The following NOL10 variants were observed in gnomAD, a reference collection of about 807,000 sequenced individuals.
The protein encoded by NOL10 is nucleolar protein 10.
Under a neutral mutation model 103.5 loss-of-function variants are expected in NOL10, and 58 were observed. The observed-to-expected ratio is 0.56, with a 90% CI of 0.45 to 0.70. The LOEUF is 0.70. Among genes scored for constraint, NOL10 ranks in the 30% least tolerant of loss-of-function variants. NOL10 has a pLI of 0.00. For synonymous variants in NOL10, 287 were observed against 282.5 expected, an observed-to-expected ratio of 1.02 and a Z score of -0.16; for missense variants, 763 against 807.3, an observed-to-expected ratio of 0.95 and a Z score of 0.67.
At chr2:10,650,960 G>T (rs1374144444) in intron 12 of NOL10, among the ~76,000 whole-genome samples, 1 of 152,130 alleles carries the variant, frequency 6.6e-6, no homozygotes, top group African/African-American at 2.4e-5. Context: ...GGCATTTCAA[G>T]AATGGGTTCC....
intron 13 of NOL10, among the ~76,000 whole-genome samples, chr2:10,644,047 C>A (rs189001543): frequency 7.9e-5 from 12 of 152,228 alleles, no homozygotes; most frequent in Admixed American, 7.2e-4. Flanking sequence ...GTCATGAGTT[C>A]AAGACCACCC....
At chr2:10,581,016 C>T (rs1674721303) in intron 19 of NOL10, among the ~76,000 whole-genome samples, 1 of 152,150 alleles carries the variant, frequency 6.6e-6, no homozygotes, top group African/African-American at 2.4e-5. Context: ...TAAATAACTA[C>T]CTTTGACAAA....
At chr2:10,679,298 G>A (rs1382218637) in intron 3 of NOL10, among the ~76,000 whole-genome samples, 1 of 151,354 alleles carries the variant, frequency 6.6e-6, no homozygotes, top group Non-Finnish European at 1.5e-5. Flanking sequence ...GGCAGAGGTT[G>A]CGGTAAGCCA....
intron 19 of NOL10, among the ~76,000 whole-genome samples, chr2:10,579,368 T>C (rs558120254): frequency 6.6e-6 from 1 of 152,306 alleles, no homozygotes; most frequent in East Asian, 1.9e-4. Flanking sequence ...GGAGGTAAGA[T>C]GTGAAATGAC....
At chr2:10,602,157 C>T (rs1676008461) in intron 16 of NOL10, among the ~76,000 whole-genome samples, 1 of 152,238 alleles carries the variant, frequency 6.6e-6, no homozygotes, top group East Asian at 1.9e-4. Context: ...CTCAAGGGCC[C>T]TGGAACCGGC....
intron 19 of NOL10, among the ~76,000 whole-genome samples, chr2:10,583,127 T>C (rs1674846094): frequency 6.6e-6 from 1 of 152,202 alleles, no homozygotes; most frequent in African/African-American, 2.4e-5. Context: ...CTTTCCAGTT[T>C]TCCTCTCAGC....
chr2:10,660,861 C>T (rs1208605952), intron 9 of NOL10, among the ~76,000 whole-genome samples: 1 of 151,606 alleles, frequency 6.6e-6, no homozygotes, highest in African/African-American at 2.4e-5. Flanking sequence ...ACACTTATTG[C>T]CTTCTCGTAT....
rs533351651 is a variant in NOL10, at chr2:10,616,217, ATTTTTTTTT to A, written c.1027-8915_1027-8907del. On this transcript the variant is annotated intron_variant, in intron 13 of 20. Coordinates refer to ENST00000381685, the MANE Select transcript of NOL10 (RefSeq NM_024894.4). Reference sequence around the variant, plus strand: ...CTACCAGTGGACAACACCACCCTGCATTTTTTTTTTTTTTTTTTTTTTTTTTTTTGAGGC... The same window carrying A: ...CTACCAGTGGACAACACCACCCTGCATTTTTTTTTTTTTTTTTTTTGAGGC... Among the ~76,000 whole-genome samples, 332 of 95,622 alleles carry A rather than the reference ATTTTTTTTT, an allele frequency of 3.5e-3. 2 individuals carry two copies. The highest frequency in any genetic ancestry group is 0.013 in the African/African-American group (264 of 21,092). The allele number at this position is 95,622 out of a possible 152,430, so 62.7% of individuals were successfully genotyped here.
intron 18 of NOL10, 39 bp from the exon 19 acceptor site, chr2:10,589,329 A>G (rs760165923): frequency 5.0e-6 from 8 of 1,606,432 alleles, no homozygotes; most frequent in African/African-American, 2.7e-5. Flanking sequence ...CCTTTCCCCC[A>G]GTCAAACACA....
chr2:10,580,513 C>A (rs968525436), intron 19 of NOL10, among the ~76,000 whole-genome samples: 6 of 152,152 alleles, frequency 3.9e-5, no homozygotes, highest in African/African-American at 1.4e-4. Flanking sequence ...AATCCCCAAA[C>A]TTGTGATTGC....
intron 9 of NOL10, 90 bp from the exon 10 acceptor site, chr2:10,659,340 ATGGG>A: frequency 7.2e-6 from 1 of 138,562 alleles, no homozygotes; most frequent in Non-Finnish European, 1.7e-5. Context: ...TTCAAATCTA[ATGGG>A]GGGGGGGGGG....
intron 18 of NOL10, 90 bp downstream of exon 18, chr2:10,589,488 T>G: frequency 8.2e-7 from 1 of 1,220,310 alleles, no homozygotes; most frequent in Non-Finnish European, 1.1e-6. Context: ...TAATTACATC[T>G]CAAGTATAAT....
At chr2:10,634,949 G>A (rs1043044613) in intron 13 of NOL10, among the ~76,000 whole-genome samples, 3 of 152,178 alleles carry the variant, frequency 2.0e-5, no homozygotes, top group African/African-American at 7.2e-5. Flanking sequence ...GACTGTACAC[G>A]TCTGTCCAGG....
chr2:10,626,779 A>T (rs35688901), intron 13 of NOL10, among the ~76,000 whole-genome samples: 32,650 of 152,172 alleles, frequency 0.21, 4,578 homozygotes, highest in East Asian at 0.44. Flanking sequence ...TATTTTCAAG[A>T]AAATGGACAT....
intron 11 of NOL10, 49 bp from the exon 12 acceptor site, chr2:10,654,596 C>T (rs1679701164): frequency 8.0e-7 from 1 of 1,246,744 alleles, no homozygotes; most frequent in Non-Finnish European, 1.1e-6. Flanking sequence ...AGAACAACAA[C>T]TTTGGCAATG....
chr2:10,683,499 T>C (rs1176959377), intron 2 of NOL10, among the ~76,000 whole-genome samples: 2 of 152,184 alleles, frequency 1.3e-5, no homozygotes, highest in East Asian at 3.9e-4. Flanking sequence ...GCAAAGCAAT[T>C]AGGGACCTGT....
intron 14 of NOL10, among the ~76,000 whole-genome samples, chr2:10,606,168 A>G (rs999632447): frequency 1.3e-5 from 2 of 150,842 alleles, no homozygotes; most frequent in Non-Finnish European, 3.0e-5. Flanking sequence ...GGACTCTTGG[A>G]TTTAAAGCTC....
At chr2:10,658,610 A>C (rs1679996006) in intron 10 of NOL10, among the ~76,000 whole-genome samples, 1 of 152,194 alleles carries the variant, frequency 6.6e-6, no homozygotes, top group Non-Finnish European at 1.5e-5. Flanking sequence ...AAATTTTGGA[A>C]ATATTTATTA....
At position 10,589,593 on chromosome 2, in the gene NOL10, T is replaced by G. The variant is rs17390099; in HGVS notation, c.1581A>C (p.Gln527His). ...AGTACATTACTTTTTCACGAAGTTC[T>G]TGTTGCTCTAAGAGTCTTAGTTTCT... ...RKKKLRLLEQ[Q>H]ELREKEEEEE... is the part of the protein sequence containing the mutation. Residue 527 changes from glutamine (Q) to histidine (H), a missense_variant, in exon 18 of 21, where the codon CAA (glutamine) becomes CAC (histidine). Gln to His is a conservative substitution (Grantham distance 24). Coordinates refer to ENST00000381685, the MANE Select transcript of NOL10 (RefSeq NM_024894.4). The G allele has an allele frequency of 3.6e-5, 57 of 1,569,928 alleles. No individual in the cohort carries two copies. The highest frequency in any genetic ancestry group is 4.9e-5 in the Non-Finnish European group (57 of 1,165,224).
Sources: gnomAD v4.1 joint callset for allele counts (sites outside exome capture counted in the v4.1 genomes callset) on GRCh38, gnomAD v4.1.1 for gene constraint, MANE v1.5 for transcripts, NCBI Gene and HGNC (gene_info 2026-07-23, HGNC 2026-07-21) for gene names.